The following KLHDC4 variants were observed in gnomAD, a reference collection of about 807,000 sequenced individuals.
KLHDC4 encodes the protein kelch domain containing 4.
A neutral mutation model predicts 62.4 loss-of-function variants in KLHDC4; 90 were observed. That is an observed-to-expected ratio of 1.44 (90% CI 1.22 to 1.72). The LOEUF is 1.72. KLHDC4 is among the 40% of genes most tolerant of loss of function. The pLI is 0.00. For missense variants in KLHDC4, 1,025 were observed against 699.7 expected (o/e 1.47, Z -5.25); for synonymous variants, 386 against 284.4 (o/e 1.36, Z -3.59).
At chr16:87,731,047 T>TTTTTTG (rs1491162290) in intron 5 of KLHDC4, 1 of 8,046 alleles carries the variant, frequency 1.2e-4, no homozygotes, top group Non-Finnish European at 2.2e-4. Context: ...TACAGAATTC[T>TTTTTTG]TTTTTTTTTT....
chr16:87,727,271 C>T (rs917585051), intron 6 of KLHDC4, among the ~76,000 whole-genome samples: 6 of 152,186 alleles, frequency 3.9e-5, no homozygotes, highest in Non-Finnish European at 8.8e-5. Context: ...TGCTGGCCCA[C>T]AGAGGCAGAG....
intron 2 of KLHDC4, among the ~76,000 whole-genome samples, chr16:87,761,115 A>C (rs1482565015): frequency 6.6e-6 from 1 of 152,246 alleles, no homozygotes; most frequent in African/African-American, 2.4e-5. Flanking sequence ...GGAAAAAGAA[A>C]ACTAAAATCC....
chr16:87,731,731 A>G (rs1003318128), intron 5 of KLHDC4, among the ~76,000 whole-genome samples: 1 of 152,162 alleles, frequency 6.6e-6, no homozygotes, highest in Non-Finnish European at 1.5e-5. Context: ...AAAGGAAAAC[A>G]CCAGTCCACA....
At chr16:87,708,290 A>G (rs2142900867) in intron 11 of KLHDC4, 60 bp downstream of exon 11, 1 of 1,138,308 alleles carries the variant, frequency 8.8e-7, no homozygotes, top group East Asian at 2.4e-5. Context: ...TCCGATAAAC[A>G]TGAAAAGCCT....
At chr16:87,762,660 G>A (rs143157217) in intron 1 of KLHDC4, among the ~76,000 whole-genome samples, 31 of 152,324 alleles carry the variant, frequency 2.0e-4, no homozygotes, top group Admixed American at 1.7e-3. Flanking sequence ...AATACCAGCT[G>A]CAGTCTATCC....
intron 4 of KLHDC4, among the ~76,000 whole-genome samples, chr16:87,754,086 G>C (rs78701817): frequency 7.4e-6 from 1 of 134,914 alleles, no homozygotes; most frequent in Admixed American, 8.1e-5. Context: ...ATTGCAGTGA[G>C]CTGATATAAT....
chr16:87,730,901 A>C (rs2040231973), intron 5 of KLHDC4: 10 of 358,600 alleles, frequency 2.8e-5, no homozygotes, highest in Non-Finnish European at 5.0e-5. Context: ...AAGATTTCCT[A>C]GGTAGAACAT....
chr16:87,756,605 G>C lies in KLHDC4; in HGVS notation c.192-128C>G, dbSNP rs898904780. 6.0e-6 allele frequency: 4 copies of C among 663,910 alleles called. No individual in the cohort carries two copies. The East Asian group carries it at 8.3e-5, about 14-fold the overall frequency. The allele number at this position is 663,910 out of a possible 1,614,324, so 41.1% of individuals were successfully genotyped here. On this transcript the variant is annotated intron_variant, in intron 2 of 11. Coordinates refer to ENST00000270583, the MANE Select transcript of KLHDC4 (RefSeq NM_017566.4). ...TCTACACTTCCTGAAAGGAGAGCCT[G>C]GCATCGAGAAAGGAAGCAAAGGTGC...
chr16:87,736,399 T>G (rs1370711289), intron 5 of KLHDC4, among the ~76,000 whole-genome samples: 1 of 152,198 alleles, frequency 6.6e-6, no homozygotes, highest in African/African-American at 2.4e-5. Flanking sequence ...ACCGGCGGCC[T>G]AGAGACATCT....
intron 9 of KLHDC4, chr16:87,710,045 G>A (rs2035478408): frequency 9.8e-6 from 2 of 204,640 alleles, no homozygotes; most frequent in Non-Finnish European, 2.0e-5. Flanking sequence ...CTGGCTCCCA[G>A]AAGGGCTGGG....
intron 5 of KLHDC4, among the ~76,000 whole-genome samples, chr16:87,748,282 G>C (rs894713887): frequency 6.6e-6 from 1 of 152,170 alleles, no homozygotes; most frequent in Non-Finnish European, 1.5e-5. Flanking sequence ...ACACCAACTC[G>C]ACACAGAAAG....
chr16:87,717,102 G>C (rs144406338), intron 7 of KLHDC4, among the ~76,000 whole-genome samples: 1 of 152,270 alleles, frequency 6.6e-6, no homozygotes, highest in African/African-American at 2.4e-5. Context: ...ATGGTGGCAT[G>C]CATCTGTAGT....
chr16:87,699,090 C>T (rs1372502148), exon 1 of KLHDC4: 1 of 152,240 alleles, frequency 6.6e-6, no homozygotes, highest in Non-Finnish European at 1.5e-5. Context: ...GACAGGTCCA[C>T]CTCTGGCCCA....
intron 7 of KLHDC4, among the ~76,000 whole-genome samples, chr16:87,714,869 A>G (rs1464873091): frequency 6.6e-6 from 1 of 152,166 alleles, no homozygotes; most frequent in African/African-American, 2.4e-5. Flanking sequence ...CTGTGTGGAA[A>G]CCACCACAGG....
intron 5 of KLHDC4, among the ~76,000 whole-genome samples, chr16:87,733,982 T>TTACA (rs1265973649): frequency 1.3e-5 from 2 of 152,262 alleles, no homozygotes; most frequent in African/African-American, 2.4e-5. Flanking sequence ...TTTGTGCATG[T>TTACA]TACACAGCTG....
chr16:87,757,942 A>G (rs1597392729), intron 2 of KLHDC4, among the ~76,000 whole-genome samples: 1 of 152,168 alleles, frequency 6.6e-6, no homozygotes, highest in Non-Finnish European at 1.5e-5. Flanking sequence ...AGTTGAAAGT[A>G]ATGAAAGACA....
At position 87,726,748 on chromosome 16, in the gene KLHDC4, C is replaced by A. The variant is rs150423965; in HGVS notation, c.759+17G>T. On this transcript the variant is annotated intron_variant, in intron 7 of 11. Transcript: ENST00000270583. ...CCCGGTCCCACGCCTTGCCTGTTTC[C>A]CCACCCCCCGCCTTACCTGTTTCGA... is the stretch of plus-strand genomic sequence containing the variant. 85 of 1,525,974 alleles carry A rather than the reference C, an allele frequency of 5.6e-5. 1 individual carries two copies. In the African/African-American group the frequency reaches 1.1e-3, roughly 20 times the overall value. 94.5% of individuals were successfully genotyped at this position (1,525,974 alleles called of 1,614,324 possible). A position where few individuals can be genotyped will look rare whatever the true frequency, so the allele number is the denominator to read the frequency against.
chr16:87,747,223 G>A (rs891653101), intron 5 of KLHDC4, among the ~76,000 whole-genome samples: 1 of 152,232 alleles, frequency 6.6e-6, no homozygotes, highest in African/African-American at 2.4e-5. Flanking sequence ...GGACTTGCTG[G>A]GTTGGGTGCT....
rs960471728 is a variant in KLHDC4 at position 87,714,394 on chromosome 16, T to C, written c.835+104A>G. ...GGCAGGCCCTCCGCTCCGGGCAGGG[T>C]GCAGGGGCTCACCGCCAGCCCCACA... On this transcript the variant is annotated intron_variant, in intron 8 of 11. Coordinates refer to ENST00000270583, the MANE Select transcript of KLHDC4 (RefSeq NM_017566.4). The C allele has an allele frequency of 3.8e-6, 4 of 1,055,752 alleles. No individual in the cohort carries two copies. The Admixed American group carries it at 1.4e-4, about 38-fold the overall frequency. The allele number at this position is 1,055,752 out of a possible 1,614,324, so 65.4% of individuals were successfully genotyped here. A position where few individuals can be genotyped will look rare whatever the true frequency, so the allele number is the denominator to read the frequency against.
Sources: gnomAD v4.1 joint callset for allele counts (sites outside exome capture counted in the v4.1 genomes callset) on GRCh38, gnomAD v4.1.1 for gene constraint, MANE v1.5 for transcripts, NCBI Gene and HGNC (gene_info 2026-07-23, HGNC 2026-07-21) for gene names.